The following IL32 variants were observed in gnomAD, a reference collection of about 807,000 sequenced individuals.
IL32 encodes the protein interleukin 32.
In IL32, 30 loss-of-function variants were observed where a neutral mutation model predicts 16.6. That is an observed-to-expected ratio of 1.81 (90% CI 1.35 to 2.45). IL32 has a LOEUF of 2.45. IL32 is among the 30% of genes most tolerant of loss of function. IL32 has a pLI of 0.00. For missense variants in IL32, 234 were observed against 229.8 expected (o/e 1.02, Z -0.12); for synonymous variants, 70 against 86.1 (o/e 0.81, Z 1.03).
intron 4 of IL32, 118 bp downstream of exon 4, chr16:3,067,731 C>T: frequency 1.1e-6 from 1 of 922,270 alleles, no homozygotes; most frequent in Non-Finnish European, 1.7e-6. Context: ...TCACCCCTTA[C>T]CGTGGGCAAA....
chr16:3,067,195 C>T (rs886092115), intron 2 of IL32, among the ~76,000 whole-genome samples, 182 bp from the exon 3 acceptor site: 7 of 152,108 alleles, frequency 4.6e-5, no homozygotes, highest in African/African-American at 1.2e-4. Context: ...GAGGACAGCC[C>T]TGGCCGGTCT....
At chr16:3,068,387 C>G (rs1160165800) in intron 6 of IL32, 148 bp downstream of exon 6, 22 of 713,358 alleles carry the variant, frequency 3.1e-5, no homozygotes, top group Non-Finnish European at 4.5e-5. Context: ...CTCACTGCAA[C>G]CTCCAAATCT....
rs891849987 is a variant in IL32, at chr16:3,065,662, G to A, written c.-54G>A. On this transcript the variant is annotated 5_prime_UTR_variant, in exon 1 of 7. Coordinates refer to ENST00000525643, the MANE Select transcript of IL32 (RefSeq NM_001376923.1). ...GGAAGACTGCGTGCAGAAGGTGACT[G>A]TCTCAGTGGAGCTGGGTCATCTCAG... 5 of 797,812 alleles carry A rather than the reference G, an allele frequency of 6.3e-6. No homozygotes were observed. Among genetic ancestry groups the A allele is most frequent in the Admixed American group, 3.6e-5 (2 of 54,854 alleles). 49.4% of individuals were successfully genotyped at this position (797,812 alleles called of 1,614,324 possible). A position where few individuals can be genotyped will look rare whatever the true frequency, so the allele number is the denominator to read the frequency against.
At chr16:3,068,439 G>C (rs1327838527) in intron 6 of IL32, 200 bp downstream of exon 6, 6 of 582,870 alleles carry the variant, frequency 1.0e-5, no homozygotes, top group Middle Eastern at 4.6e-4. Context: ...ACAAGTAGTT[G>C]GGACTACAGG....
In IL32 at chr16:3,067,366, T is replaced by G. The variant is rs1567142567; in HGVS notation, c.16-11T>G. On this transcript the variant is annotated splice_polypyrimidine_tract_variant and intron_variant, in intron 2 of 6. Coordinates refer to ENST00000525643, the MANE Select transcript of IL32 (RefSeq NM_001376923.1). ...ACACATGGAGACTGAGTGTCACCGT[T>G]ATTTCCGCAGGTCCTCTCTGATGAC... 1 of 1,514,440 alleles carries G rather than the reference T, an allele frequency of 6.6e-7. No homozygotes were observed. The highest frequency in any genetic ancestry group is 8.9e-7 in the Non-Finnish European group (1 of 1,124,580). The allele number at this position is 1,514,440 out of a possible 1,614,324, so 93.8% of individuals were successfully genotyped here.
chr16:3,067,420 T>A lies in IL32; in HGVS notation c.54+5T>A. 6.3e-7 allele frequency: 1 copy of A among 1,591,636 alleles called. No homozygotes were observed. Among genetic ancestry groups the A allele is most frequent in the Non-Finnish European group, 8.6e-7 (1 of 1,168,244 alleles). On this transcript the variant is annotated splice_donor_5th_base_variant and intron_variant, in intron 3 of 6. Coordinates refer to ENST00000525643, the MANE Select transcript of IL32 (RefSeq NM_001376923.1). ...AAGAAGCTGAAGGCCCGAATGGTAA[T>A]GCTCCTCCCTACTTCTGCTCAGGGG...
chr16:3,069,517 C>G lies in IL32; in HGVS notation c.*162C>G. On this transcript the variant is annotated 3_prime_UTR_variant, in exon 7 of 7. Coordinates refer to ENST00000525643, the MANE Select transcript of IL32 (RefSeq NM_001376923.1). ...TGTCGCCCTGGCATCTTAATAAAAC[C>G]TGCTTATACTTCCCTGGCAGGGGAG... 1 of 863,574 alleles carries G rather than the reference C, an allele frequency of 1.2e-6. No homozygotes were observed. The highest frequency in any genetic ancestry group is 1.8e-6 in the Non-Finnish European group (1 of 571,084). The allele number at this position is 863,574 out of a possible 1,614,324, so 53.5% of individuals were successfully genotyped here. A position where few individuals can be genotyped will look rare whatever the true frequency, so the allele number is the denominator to read the frequency against.
At chr16:3,066,208 G>A (rs1353936905) in intron 2 of IL32, among the ~76,000 whole-genome samples, 2 of 152,192 alleles carry the variant, frequency 1.3e-5, no homozygotes, top group South Asian at 4.2e-4. Flanking sequence ...TCCTTTCCTG[G>A]GTTCCCTCCG....
rs1183963632 is a variant in IL32, at chr16:3,068,175, C to T, written c.142-5C>T. ...CATGAACCCCCTGTGCCCTCCTCTC[C>T]CCAGGACGACTTCAAAGAGGGCTAC... On this transcript the variant is annotated splice_polypyrimidine_tract_variant and splice_region_variant and intron_variant, in intron 5 of 6. Transcript: ENST00000525643. 1.9e-6 allele frequency: 3 copies of T among 1,603,902 alleles called. No homozygotes were observed. In the African/African-American group the frequency reaches 4.0e-5, roughly 21 times the overall value.
rs1289837883 is a variant in IL32 at position 3,069,207 on chromosome 16, C to A, written c.419C>A (p.Ala140Glu). Reference sequence around the variant, plus strand: ...GAGAAGGTGGTGGCCCTGGTCCATGCAGTGCAGGCCCTCTGGAAACAGTTC... The same window carrying A: ...GAGAAGGTGGTGGCCCTGGTCCATGAAGTGCAGGCCCTCTGGAAACAGTTC... ...VKEKVVALVH[A>E]VQALWKQFQS... The change falls in exon 7 of 7, where the codon GCA (alanine) becomes GAA (glutamate). Residue 140 changes from alanine (A) to glutamate (E), a missense_variant. This residue lies in a region of IL32 where 44 missense variants were observed against 103.1 expected (regional missense o/e 0.43). Coordinates refer to ENST00000525643, the MANE Select transcript of IL32 (RefSeq NM_001376923.1). The A allele has an allele frequency of 6.2e-7, 1 of 1,614,200 alleles. No individual in the cohort carries two copies. The highest frequency in any genetic ancestry group is 8.5e-7 in the Non-Finnish European group (1 of 1,180,032).
rs146104929 is a variant in IL32, at chr16:3,068,474, T to C, written c.201+235T>C. ...GCACCCGCCACCACTCCAGGCTGAT[T>C]TTTTTTGTGTGTGTTTTTAGTAGAG... On this transcript the variant is annotated intron_variant, in intron 6 of 6. Coordinates refer to ENST00000525643, the MANE Select transcript of IL32 (RefSeq NM_001376923.1). 3,210 of 539,446 alleles carry C rather than the reference T, an allele frequency of 6.0e-3. 17 individuals are homozygous for C. Among genetic ancestry groups the C allele is most frequent in the Non-Finnish European group, 7.9e-3 (2,375 of 299,884 alleles). 33.4% of individuals were successfully genotyped at this position (539,446 alleles called of 1,614,324 possible).
At position 3,067,600 on chromosome 16, in the gene IL32, C is replaced by T; in HGVS notation, c.101C>T (p.Ser34Leu). 6.2e-7 allele frequency: 1 copy of T among 1,612,620 alleles called. No individual in the cohort carries two copies. The highest frequency in any genetic ancestry group is 8.5e-7 in the Non-Finnish European group (1 of 1,179,088). ...RFYDKMQNAE[S>L]GRGQVMSSLA... ...TATGATAAAATGCAAAATGCAGAAT[C>T]AGGACGTGGACAGGTGGGTGGATTT... Residue 34 changes from serine (S) to leucine (L), a missense_variant, in exon 4 of 7, where the codon TCA becomes TTA. Transcript: ENST00000525643.
intron 2 of IL32, among the ~76,000 whole-genome samples, chr16:3,066,260 C>T (rs924497453): frequency 1.8e-4 from 27 of 152,152 alleles, no homozygotes; most frequent in African/African-American, 5.8e-4. Context: ...AATGCTAGGC[C>T]CACCACACCC....
Position 3,069,335 on chromosome 16 carries a change from G to C in IL32, c.547G>C (p.Glu183Gln). 1.2e-6 allele frequency: 2 copies of C among 1,600,902 alleles called. No individual in the cohort carries two copies. The highest frequency in any genetic ancestry group is 1.7e-6 in the Non-Finnish European group (2 of 1,173,534). Residue 183 changes from glutamate to glutamine, a missense_variant, in exon 7 of 7, where the codon GAA becomes CAA. Around this residue, in one of 3 missense-constraint regions of IL32, gnomAD observed 53 missense variants for 46.1 expected, o/e 1.15. Transcript: ENST00000525643. ...GGAGCTGACACCCCAGAAGTGCTCTGAACCCCAATCCTCAAAATGAAGATA... is the reference window on the plus strand; with the variant it reads ...GGAGCTGACACCCCAGAAGTGCTCTCAACCCCAATCCTCAAAATGAAGATA... ...KEELTPQKCS[E>Q]PQSSK
intron 2 of IL32, among the ~76,000 whole-genome samples, 178 bp from the exon 3 acceptor site, chr16:3,067,199 C>G (rs1005908766): frequency 1.3e-5 from 2 of 151,926 alleles, no homozygotes; most frequent in African/African-American, 4.8e-5. Flanking sequence ...ACAGCCCTGG[C>G]CGGTCTTTCC....
rs1956244598 is a variant in IL32 at position 3,065,794 on chromosome 16, C to T, written c.-18C>T. 3.7e-6 allele frequency: 6 copies of T among 1,614,032 alleles called. No individual in the cohort carries two copies. The highest frequency in any genetic ancestry group is 5.1e-6 in the Non-Finnish European group (6 of 1,180,020). On this transcript the variant is annotated 5_prime_UTR_variant, in exon 2 of 7. Transcript: ENST00000525643. ...GTTCCTCGCCAGCAGGCCTTGGCTC[C>T]TTGAACTTTTGGCCGCCATGTGCTT... is the stretch of plus-strand genomic sequence containing the variant.
In IL32 at chr16:3,069,263, T is replaced by C. The variant is rs1956800131; in HGVS notation, c.475T>C (p.Phe159Leu). 1 of 1,614,134 alleles carries C rather than the reference T, an allele frequency of 6.2e-7. No homozygotes were observed. Among genetic ancestry groups the C allele is most frequent in the African/African-American group, 1.3e-5 (1 of 74,934 alleles). ...TTTCTGCTGCTCTCTGTCAGAGCTC[T>C]TCATGTCCTCTTTCCAGTCCTACGG... ...QSFCCSLSELFMSSFQSYGAP... is the reference protein window; with the variant it reads ...QSFCCSLSELLMSSFQSYGAP... The change falls in exon 7 of 7, where the codon TTC (phenylalanine) becomes CTC (leucine). Residue 159 changes from phenylalanine (F) to leucine (L), a missense_variant. Physicochemically the swap from Phe to Leu is conservative, Grantham distance 22. Coordinates refer to ENST00000525643, the MANE Select transcript of IL32 (RefSeq NM_001376923.1).
At position 3,067,985 on chromosome 16, in the gene IL32, T is replaced by C. The variant is rs555143181; in HGVS notation, c.116T>C (p.Val39Ala). ...MQNAESGRGQ[V>A]MSSLAELEDD... ...AACCGAGTGCTTTGTTCCTAACAGG[T>C]GATGTCGAGCCTGGCAGAGCTGGAG... The change falls in exon 5 of 7, where the codon GTG (valine) becomes GCG (alanine). Residue 39 changes from valine to alanine, a missense_variant and splice_region_variant. By Grantham distance (64) the Val-to-Ala change is moderately conservative (BLOSUM62 0). Around this residue, in one of 3 missense-constraint regions of IL32, gnomAD observed 137 missense variants for 80.7 expected, o/e 1.70. Coordinates refer to ENST00000525643, the MANE Select transcript of IL32 (RefSeq NM_001376923.1). 2 of 1,613,982 alleles carry C rather than the reference T, an allele frequency of 1.2e-6. No individual in the cohort carries two copies. Among genetic ancestry groups the C allele is most frequent in the East Asian group, 4.5e-5 (2 of 44,862 alleles).
At chr16:3,068,775 G>C in intron 6 of IL32, 2 of 722,838 alleles carry the variant, frequency 2.8e-6, no homozygotes, top group Non-Finnish European at 4.4e-6. Flanking sequence ...TGGTGACCAA[G>C]CAGACACACC....
Sources: gnomAD v4.1 joint callset for allele counts (sites outside exome capture counted in the v4.1 genomes callset) on GRCh38, gnomAD v4.1.1 for gene constraint, gnomAD v4.1.1 regional missense constraint, MANE v1.5 for transcripts, NCBI Gene and HGNC (gene_info 2026-07-23, HGNC 2026-07-21) for gene names.